CHN2: variants seen among roughly 807,000 people sequenced by gnomAD.
The protein encoded by CHN2 is chimerin 2, also known as beta-chimaerin.
A neutral mutation model predicts 56.3 loss-of-function variants in CHN2; 35 were observed. The observed-to-expected ratio is 0.62, with a 90% CI of 0.47 to 0.82. The LOEUF (loss-of-function observed/expected upper bound fraction) is 0.82, where lower values mean the gene tolerates loss of function less well. Ranked by LOEUF, CHN2 falls within the 40% of genes least tolerant of loss-of-function variation. The probability of loss-of-function intolerance (pLI) is 0.00; values close to 1 mark genes in which losing one functional copy is unlikely to be tolerated. For synonymous variants in CHN2, 210 were observed against 212.8 expected, an observed-to-expected ratio of 0.99 and a Z score of 0.12; for missense variants, 491 against 580.5, an observed-to-expected ratio of 0.85 and a Z score of 1.58.
chr7:29,444,041 C>G (rs1449930161), intron 6 of CHN2, among the ~76,000 whole-genome samples: 1 of 152,164 alleles, frequency 6.6e-6, no homozygotes, highest in Non-Finnish European at 1.5e-5. Context: ...AGCAACTTTC[C>G]AAGCTTCCAG....
chr7:29,464,316 C>G (rs1340042460), intron 6 of CHN2, among the ~76,000 whole-genome samples: 1 of 152,126 alleles, frequency 6.6e-6, no homozygotes, highest in Non-Finnish European at 1.5e-5. Flanking sequence ...GCTGGTTGTT[C>G]TAAAACAGTG....
chr7:29,338,530 G>A (rs558389693), intron 1 of CHN2, among the ~76,000 whole-genome samples: 54 of 152,222 alleles, frequency 3.5e-4, no homozygotes, highest in African/African-American at 1.3e-3. Flanking sequence ...CTGTTTATTT[G>A]CCTGTACAAT....
intron 2 of CHN2, among the ~76,000 whole-genome samples, chr7:29,169,253 A>G (rs1796298955): frequency 6.6e-6 from 1 of 152,208 alleles, no homozygotes; most frequent in Non-Finnish European, 1.5e-5. Context: ...TGCTGATATT[A>G]CCATTGTAGA....
rs184075738 is a variant in CHN2, at chr7:29,512,915, C to T, written c.*180C>T. The T allele has an allele frequency of 8.4e-6, 5 of 594,044 alleles. No homozygotes were observed. In the Admixed American group the frequency reaches 1.4e-4, roughly 17 times the overall value. The allele number at this position is 594,044 out of a possible 1,614,324, so 36.8% of individuals were successfully genotyped here. ...GACATGCGCCACCTCCACGTGAGAA[C>T]AAGGGTGAAGGTGAGGGAAGCCCCT... On this transcript the variant is annotated 3_prime_UTR_variant, in exon 13 of 13. Transcript: ENST00000222792.
chr7:29,277,695 C>G (rs1351006183), intron 1 of CHN2, among the ~76,000 whole-genome samples: 1 of 152,224 alleles, frequency 6.6e-6, no homozygotes, highest in Non-Finnish European at 1.5e-5. Flanking sequence ...TGCACACATA[C>G]TGTGGCTTTT....
At chr7:29,364,267 T>A (rs547811358) in intron 2 of CHN2, among the ~76,000 whole-genome samples, 1 of 152,226 alleles carries the variant, frequency 6.6e-6, no homozygotes, top group Non-Finnish European at 1.5e-5. Flanking sequence ...CTCCACATAA[T>A]GCTGACTGTG....
chr7:29,358,338 T>C (rs892259612), intron 2 of CHN2, among the ~76,000 whole-genome samples: 1 of 152,118 alleles, frequency 6.6e-6, no homozygotes, highest in Non-Finnish European at 1.5e-5. Context: ...TTTGAGGCTG[T>C]AGGGAGCTAC....
intron 2 of CHN2, among the ~76,000 whole-genome samples, chr7:29,175,155 T>C (rs2128731583): frequency 6.6e-6 from 1 of 151,444 alleles, no homozygotes. Context: ...TCTCATGAGA[T>C]GTGATGATTT....
At chr7:29,206,333 G>A (rs1784516473) in intron 1 of CHN2, among the ~76,000 whole-genome samples, 1 of 152,064 alleles carries the variant, frequency 6.6e-6, no homozygotes, top group Admixed American at 6.5e-5. Flanking sequence ...CCAGGCTGGA[G>A]TGCAGTGGCA....
chr7:29,277,198 A>G (rs1465834481), intron 1 of CHN2, among the ~76,000 whole-genome samples: 3 of 152,200 alleles, frequency 2.0e-5, no homozygotes, highest in Non-Finnish European at 2.9e-5. Flanking sequence ...TTAGCTGAGC[A>G]AGGAGCCCCC....
chr7:29,337,851 G>A lies in CHN2; in HGVS notation c.50-16774G>A, dbSNP rs577798743. On this transcript the variant is annotated intron_variant, in intron 1 of 12. Coordinates refer to ENST00000222792, the MANE Select transcript of CHN2 (RefSeq NM_004067.4). ...GTGTGGTTGATGGGGTGTCTGAAGT[G>A]TTGCTAATGCAGTGCGTGTGATCTT... Among the ~76,000 whole-genome samples the A allele has an allele frequency of 2.0e-5, 3 of 152,284 alleles. No individual in the cohort carries two copies. The East Asian group carries it at 5.8e-4, about 29-fold the overall frequency.
intron 1 of CHN2, among the ~76,000 whole-genome samples, chr7:29,263,954 C>T (rs60894345): frequency 0.014 from 2,039 of 150,906 alleles, 45 homozygotes; most frequent in African/African-American, 0.046. Flanking sequence ...CCCGGCCAGC[C>T]GCCCCGTCTG....
chr7:29,473,259 A>C (rs1786263020), intron 6 of CHN2, among the ~76,000 whole-genome samples: 1 of 152,196 alleles, frequency 6.6e-6, no homozygotes, highest in Non-Finnish European at 1.5e-5. Flanking sequence ...GAGGGGATTT[A>C]GTCAATAGCA....
intron 2 of CHN2, among the ~76,000 whole-genome samples, chr7:29,162,913 A>G (rs1270934748): frequency 6.6e-6 from 1 of 152,240 alleles, no homozygotes. Context: ...ACAATTCTGT[A>G]CATGTGATAA....
At chr7:29,357,831 ATTGAAT>A (rs1798421736) in intron 2 of CHN2, among the ~76,000 whole-genome samples, 1 of 152,240 alleles carries the variant, frequency 6.6e-6, no homozygotes, top group African/African-American at 2.4e-5. Flanking sequence ...CTATCAGAAT[ATTGAAT>A]TTGTTTTATT....
intron 6 of CHN2, among the ~76,000 whole-genome samples, chr7:29,451,370 G>A (rs1050410870): frequency 6.6e-6 from 1 of 152,080 alleles, no homozygotes; most frequent in Non-Finnish European, 1.5e-5. Flanking sequence ...GTGATTAAGC[G>A]TGGTGCACAG....
chr7:29,269,047 A>G (rs1274752982), intron 1 of CHN2, among the ~76,000 whole-genome samples: 1 of 152,226 alleles, frequency 6.6e-6, no homozygotes, highest in African/African-American at 2.4e-5. Context: ...AACATTTCTC[A>G]TTACTTTGTG....
intron 2 of CHN2, among the ~76,000 whole-genome samples, chr7:29,357,703 G>A (rs1056603335): frequency 1.3e-5 from 2 of 152,128 alleles, no homozygotes; most frequent in African/African-American, 2.4e-5. Context: ...GGTCAAATTT[G>A]CATGTGGGTC....
rs1562866418 is a variant in CHN2 at position 29,252,581 on chromosome 7, T to TTTTTTTTTTGTTTTG, written c.49+57600_49+57601insGTTTTGTTTTTTTTT. Among the ~76,000 whole-genome samples, 43 of 16,414 alleles carry TTTTTTTTTTGTTTTG rather than the reference T, an allele frequency of 2.6e-3. 2 individuals carry two copies. Among genetic ancestry groups the TTTTTTTTTTGTTTTG allele is most frequent in the African/African-American group, 8.6e-3 (10 of 1,168 alleles). The allele number at this position is 16,414 out of a possible 152,430, so 10.8% of individuals were successfully genotyped here. A position where few individuals can be genotyped will look rare whatever the true frequency, so the allele number is the denominator to read the frequency against. The stretch of plus-strand genomic sequence containing the variant: ...TTTGTCTAAAATTGCATTCTTTGTT[T>TTTTTTTTTTGTTTTG]TTTTTTTTTTTTTTTTTTTTTTTTT... On this transcript the variant is annotated intron_variant, in intron 1 of 12. Coordinates refer to ENST00000222792, the MANE Select transcript of CHN2 (RefSeq NM_004067.4).
Sources: allele counts gnomAD v4.1 joint callset (sites outside exome capture counted in the v4.1 genomes callset), GRCh38; gene constraint gnomAD v4.1.1; transcripts MANE v1.5; gene names NCBI Gene and HGNC (gene_info 2026-07-23, HGNC 2026-07-21).